MYRFL: variants seen among roughly 807,000 people sequenced by gnomAD.
MYRFL encodes the protein myelin regulatory factor-like protein.
In MYRFL, 88 loss-of-function variants were observed where a neutral mutation model predicts 109.4. The ratio of observed to expected loss-of-function variants is 0.80; its 90% CI spans 0.68 to 0.96. The LOEUF (loss-of-function observed/expected upper bound fraction) is 0.96. Ranked by LOEUF, MYRFL falls within the 40% of genes least tolerant of loss-of-function variation. The probability of loss-of-function intolerance (pLI) is 0.00; values close to 1 mark genes in which losing one functional copy is unlikely to be tolerated. For missense variants in MYRFL, 957 were observed against 954.9 expected, an observed-to-expected ratio of 1.00 and a Z score of -0.03; for synonymous variants, 324 against 320.9, an observed-to-expected ratio of 1.01 and a Z score of -0.10.
chr12:69,933,822 T>C (rs547700639), intron 16 of MYRFL, among the ~76,000 whole-genome samples: 2 of 152,124 alleles, frequency 1.3e-5, no homozygotes, highest in Non-Finnish European at 2.9e-5. Context: ...GGAAAAGTTA[T>C]AAGAAGTCTA....
rs1051626879 is a variant in MYRFL at position 69,952,111 on chromosome 12, A to G, written c.2225-2A>G. On this transcript the variant is annotated splice_acceptor_variant, in intron 19 of 24. Transcript: ENST00000552032. LOFTEE classifies it high-confidence loss of function. The stretch of plus-strand genomic sequence containing the variant: ...AGATTGACAGACTTGTTTCCTTTTC[A>G]GAAGACAAAAGCAAATCAGTTTTGG... The G allele has an allele frequency of 5.9e-6, 9 of 1,535,982 alleles. No homozygotes were observed. The African/African-American group carries it at 1.1e-4, about 19-fold the overall frequency.
At chr12:69,916,480 A>G (rs1954732327) in intron 13 of MYRFL, among the ~76,000 whole-genome samples, 1 of 151,800 alleles carries the variant, frequency 6.6e-6, no homozygotes, top group Non-Finnish European at 1.5e-5. Context: ...ACTCAGTACT[A>G]TTTTTCTTCC....
At chr12:69,913,908 T>C (rs2120401327) in intron 13 of MYRFL, among the ~76,000 whole-genome samples, 1 of 152,352 alleles carries the variant, frequency 6.6e-6, no homozygotes, top group African/African-American at 2.4e-5. Context: ...ATTGTAACAA[T>C]ATTAAGTCTT....
chr12:69,924,190 G>GA (rs543542332), intron 13 of MYRFL, among the ~76,000 whole-genome samples: 1,068 of 79,810 alleles, frequency 0.013, 15 homozygotes, highest in African/African-American at 0.029. Context: ...CTCCGTCTCA[G>GA]AAAAAAAAAA....
At chr12:69,948,030 A>G (rs1315591870) in intron 19 of MYRFL, among the ~76,000 whole-genome samples, 1 of 152,192 alleles carries the variant, frequency 6.6e-6, no homozygotes, top group Non-Finnish European at 1.5e-5. Context: ...CTCCAACTTT[A>G]TAATGAAAAC....
chr12:69,944,031 G>A (rs1403713051), intron 19 of MYRFL, among the ~76,000 whole-genome samples: 3 of 149,644 alleles, frequency 2.0e-5, no homozygotes, highest in Admixed American at 6.6e-5. Context: ...AAGTCAGGAA[G>A]CAACAGGTGC....
chr12:69,932,825 C>CAATT (rs775643178), intron 16 of MYRFL, among the ~76,000 whole-genome samples: 14 of 151,008 alleles, frequency 9.3e-5, no homozygotes, highest in Non-Finnish European at 1.8e-4. Context: ...GATTTTTTTT[C>CAATT]AATTAACTGC....
chr12:69,883,643 G>A lies in MYRFL; in HGVS notation c.557-3177G>A, dbSNP rs548999102. Among the ~76,000 whole-genome samples, 513 of 150,222 alleles carry A rather than the reference G, an allele frequency of 3.4e-3. 3 individuals carry two copies. The highest frequency in any genetic ancestry group is 5.1e-3 in the Admixed American group (77 of 15,020). On this transcript the variant is annotated intron_variant, in intron 5 of 24. Coordinates refer to ENST00000552032, the MANE Select transcript of MYRFL (RefSeq NM_182530.3). ...TTTGGGAGGCTGAGGTGGGTGGATCGCTTGAGCCCAGAAGTATGAGACCAG... is the reference window on the plus strand; with the variant it reads ...TTTGGGAGGCTGAGGTGGGTGGATCACTTGAGCCCAGAAGTATGAGACCAG...
At chr12:69,886,210 C>CCCAGAACTCAGATGACA (rs1886438549) in intron 5 of MYRFL, among the ~76,000 whole-genome samples, 1 of 152,128 alleles carries the variant, frequency 6.6e-6, no homozygotes, top group Non-Finnish European at 1.5e-5. Flanking sequence ...AGAATTGGGT[C>CCCAGAACTCAGATGACA]CCAGAACTCA....
chr12:69,935,223 C>T (rs541581391), intron 16 of MYRFL, among the ~76,000 whole-genome samples: 65 of 152,188 alleles, frequency 4.3e-4, no homozygotes, highest in African/African-American at 1.5e-3. Context: ...ATGGTAAATC[C>T]AGCACCTTTG....
chr12:69,956,212 G>GA (rs1168931141), intron 22 of MYRFL, among the ~76,000 whole-genome samples: 40 of 148,350 alleles, frequency 2.7e-4, no homozygotes, highest in African/African-American at 9.9e-4. Flanking sequence ...AACACATTCT[G>GA]AAAATCACAG....
At chr12:69,956,945 T>C (rs1266568559) in intron 22 of MYRFL, among the ~76,000 whole-genome samples, 1 of 152,208 alleles carries the variant, frequency 6.6e-6, no homozygotes, top group Non-Finnish European at 1.5e-5. Context: ...TAAGGTTATA[T>C]GCTATATCCC....
At chr12:69,878,134 T>C (rs1048254949) in intron 2 of MYRFL, among the ~76,000 whole-genome samples, 1 of 151,142 alleles carries the variant, frequency 6.6e-6, no homozygotes, top group African/African-American at 2.4e-5. Context: ...TCCCAGCTAC[T>C]TGGGAGGCTG....
chr12:69,949,791 T>G (rs2120539715), intron 19 of MYRFL, among the ~76,000 whole-genome samples: 1 of 152,312 alleles, frequency 6.6e-6, no homozygotes, highest in South Asian at 2.1e-4. Context: ...GCTCAATTTT[T>G]TTCCTACATG....
rs553752596 is a variant in MYRFL at position 69,828,306 on chromosome 12, G to A, written c.46+2743G>A. 3.0e-4 allele frequency among the ~76,000 whole-genome samples: 46 copies of A among 152,104 alleles called. No homozygotes were observed. In the South Asian group the frequency reaches 9.6e-3, roughly 32 times the overall value. On this transcript the variant is annotated intron_variant, in intron 1 of 24. Transcript: ENST00000552032. ...ATATATAGATATGCAAATGAAATAT[G>A]TTCTTGGGGGATCAATAGTTTCAGT...
rs1183602253 is a variant in MYRFL, at chr12:69,855,266, A to G, written c.47-14A>G. ...ATCTTCATGTTTCTCAAGATTTTCA[A>G]TTTGCCTTTGCAGCTCAGGGAGCCA... On this transcript the variant is annotated splice_polypyrimidine_tract_variant and intron_variant, in intron 1 of 24. Transcript: ENST00000552032. 2 of 698,198 alleles carry G rather than the reference A, an allele frequency of 2.9e-6. No individual in the cohort carries two copies. Among genetic ancestry groups the G allele is most frequent in the African/African-American group, 1.8e-5 (1 of 56,922 alleles). 43.3% of individuals were successfully genotyped at this position (698,198 alleles called of 1,614,324 possible).
intron 15 of MYRFL, among the ~76,000 whole-genome samples, chr12:69,930,608 C>CAGG (rs1027993181): frequency 2.0e-5 from 3 of 151,778 alleles, no homozygotes; most frequent in Non-Finnish European, 2.9e-5. Context: ...CACTTGAGCC[C>CAGG]AGGAGTTCAA....
At chr12:69,856,457 T>A (rs76930718) in intron 2 of MYRFL, among the ~76,000 whole-genome samples, 14,896 of 152,116 alleles carry the variant, frequency 0.098, 959 homozygotes, top group Admixed American at 0.17. Flanking sequence ...TAAATGTAAG[T>A]TTAACTGTAA....
intron 19 of MYRFL, among the ~76,000 whole-genome samples, chr12:69,944,556 G>C: frequency 8.0e-6 from 1 of 125,468 alleles, no homozygotes; most frequent in Non-Finnish European, 1.7e-5. Context: ...AGGGGGGAGG[G>C]ATAGCATTGG....
Sources: gnomAD v4.1 joint callset for allele counts (sites outside exome capture counted in the v4.1 genomes callset) on GRCh38, gnomAD v4.1.1 for gene constraint, MANE v1.5 for transcripts, NCBI Gene and HGNC (gene_info 2026-07-23, HGNC 2026-07-21) for gene names.